The following KCNMA1 variants were observed in gnomAD, a reference collection of about 807,000 sequenced individuals.
KCNMA1 encodes Calcium-activated potassium channel subunit alpha-1.
Under a neutral mutation model 140.0 loss-of-function variants are expected in KCNMA1, and 29 were observed. The observed-to-expected ratio is 0.21, with a 90% CI of 0.15 to 0.28. The LOEUF is 0.28. KCNMA1 is among the 10% of genes least tolerant of loss of function. KCNMA1 has a pLI of 1.00. For missense variants in KCNMA1, 880 were observed against 1,602.2 expected, an observed-to-expected ratio of 0.55 and a Z score of 7.70; for synonymous variants, 612 against 611.9, an observed-to-expected ratio of 1.00 and a Z score of 0.00.
chr10:77,200,719 C>T (rs1043507452), intron 3 of KCNMA1, among the ~76,000 whole-genome samples: 2 of 151,742 alleles, frequency 1.3e-5, no homozygotes, highest in Non-Finnish European at 1.5e-5. Context: ...TAGTTAGAAT[C>T]GACATAAAAT....
chr10:77,279,862 T>G (rs377429585), intron 2 of KCNMA1, among the ~76,000 whole-genome samples: 2 of 152,340 alleles, frequency 1.3e-5, no homozygotes, highest in South Asian at 2.1e-4. Context: ...CATATAAGAC[T>G]TGCCTTTTGC....
intron 2 of KCNMA1, among the ~76,000 whole-genome samples, chr10:77,384,178 C>A (rs1342621149): frequency 6.6e-6 from 1 of 152,206 alleles, no homozygotes; most frequent in Non-Finnish European, 1.5e-5. Flanking sequence ...CCTGGTGGAG[C>A]AAATACCGTG....
intron 5 of KCNMA1, among the ~76,000 whole-genome samples, chr10:77,158,482 T>TCC: frequency 6.6e-6 from 1 of 152,162 alleles, no homozygotes; most frequent in Non-Finnish European, 1.5e-5. Flanking sequence ...CTCCTCTCTC[T>TCC]CCCCTTCCCC....
intron 2 of KCNMA1, among the ~76,000 whole-genome samples, chr10:77,384,750 G>T (rs1157583567): frequency 5.9e-5 from 9 of 152,200 alleles, no homozygotes; most frequent in Admixed American, 5.9e-4. Flanking sequence ...TTTGCTACCT[G>T]CCCAAGCTGA....
At chr10:76,913,863 G>GA (rs1590390718) in intron 24 of KCNMA1, 3 of 565,172 alleles carry the variant, frequency 5.3e-6, no homozygotes, top group Non-Finnish European at 6.3e-6. Context: ...GCTGTGTGGG[G>GA]AAAAAATCAT....
chr10:77,392,973 G>C (rs557863092), intron 2 of KCNMA1, among the ~76,000 whole-genome samples: 374 of 152,250 alleles, frequency 2.5e-3, no homozygotes, highest in Non-Finnish European at 4.5e-3. Context: ...TGACACATGC[G>C]CCCACAACGT....
At chr10:77,283,334 A>G (rs1006054381) in intron 2 of KCNMA1, among the ~76,000 whole-genome samples, 5 of 152,166 alleles carry the variant, frequency 3.3e-5, no homozygotes, top group African/African-American at 9.7e-5. Context: ...CTCTGGCTCG[A>G]GGAGGAGGGA....
intron 2 of KCNMA1, among the ~76,000 whole-genome samples, chr10:77,270,649 G>A (rs1200681725): frequency 6.6e-6 from 1 of 150,948 alleles, no homozygotes; most frequent in Non-Finnish European, 1.5e-5. Context: ...AGCCACTCAA[G>A]TAGCTGGGAC....
chr10:77,008,275 T>C (rs2089707293), intron 18 of KCNMA1: 1 of 1,408,742 alleles, frequency 7.1e-7, no homozygotes, highest in Admixed American at 2.1e-5. Flanking sequence ...GATATGTCAA[T>C]GATTTGAAGT....
chr10:77,017,393 G>A lies in KCNMA1; in HGVS notation c.2015+1620C>T, dbSNP rs115592680. On this transcript the variant is annotated intron_variant, in intron 17 of 27. Coordinates refer to ENST00000286628, the MANE Select transcript of KCNMA1 (RefSeq NM_001161352.2). The stretch of plus-strand genomic sequence containing the variant: ...TGATTGGAGCACAGGGAGAGGGAAG[G>A]TTCAGTCCCATTAATCCTAATTTCC... Among the ~76,000 whole-genome samples, 1,458 of 152,242 alleles carry A rather than the reference G, an allele frequency of 9.6e-3. 19 individuals carry two copies. Among genetic ancestry groups the A allele is most frequent in the African/African-American group, 0.033 (1,374 of 41,548 alleles).
intron 2 of KCNMA1, among the ~76,000 whole-genome samples, chr10:77,388,476 G>A (rs2095694499): frequency 6.6e-6 from 1 of 152,194 alleles, no homozygotes; most frequent in South Asian, 2.1e-4. Flanking sequence ...CAGTTCTTTT[G>A]AAAATTATTA....
At chr10:77,589,615 A>T (rs1026900375) in intron 1 of KCNMA1, among the ~76,000 whole-genome samples, 3 of 152,198 alleles carry the variant, frequency 2.0e-5, no homozygotes, top group African/African-American at 7.2e-5. Context: ...ATGAAGCCGC[A>T]GACCCTCGCG....
intron 12 of KCNMA1, among the ~76,000 whole-genome samples, chr10:77,082,841 T>C (rs1462894971): frequency 1.3e-5 from 2 of 151,964 alleles, no homozygotes; most frequent in Non-Finnish European, 2.9e-5. Flanking sequence ...GAAAACTGAG[T>C]GGCAAGAGAA....
At chr10:76,915,800 A>G (rs538163180) in intron 23 of KCNMA1, among the ~76,000 whole-genome samples, 1 of 151,926 alleles carries the variant, frequency 6.6e-6, no homozygotes, top group African/African-American at 2.4e-5. Context: ...CCTTGCTCTT[A>G]AAAAGAAACA....
intron 3 of KCNMA1, among the ~76,000 whole-genome samples, chr10:77,217,732 T>C (rs919858032): frequency 1.3e-4 from 18 of 143,522 alleles, no homozygotes; most frequent in South Asian, 6.8e-4. Flanking sequence ...CTAAACCCTA[T>C]CATAAATTCA....
Position 77,495,689 on chromosome 10 carries a change from TAC to T in KCNMA1, c.379-91668_379-91667del, listed in dbSNP as rs528555522. 3.9e-4 allele frequency among the ~76,000 whole-genome samples: 60 copies of T among 152,304 alleles called. No individual in the cohort carries two copies. In the South Asian group the frequency reaches 9.1e-3, roughly 23 times the overall value. ...GCTTCCACCTCATGGAGCTGGCGTG[TAC>T]ACAGACAGGCACAGCCTGCCGTGCT... On this transcript the variant is annotated intron_variant, in intron 1 of 27. Transcript: ENST00000286628.
chr10:77,593,758 G>A (rs147310407), intron 1 of KCNMA1, among the ~76,000 whole-genome samples: 1 of 150,608 alleles, frequency 6.6e-6, no homozygotes, highest in Admixed American at 6.6e-5. Context: ...TCTGCTGCTT[G>A]GTGCTGTCTT....
chr10:77,465,128 G>A (rs542437965), intron 1 of KCNMA1, among the ~76,000 whole-genome samples: 1 of 152,194 alleles, frequency 6.6e-6, no homozygotes, highest in South Asian at 2.1e-4. Flanking sequence ...AGTCCCTCTC[G>A]GCCTCCATCC....
intron 1 of KCNMA1, among the ~76,000 whole-genome samples, chr10:77,470,734 G>T (rs1287047203): frequency 6.6e-6 from 1 of 152,146 alleles, no homozygotes; most frequent in African/African-American, 2.4e-5. Flanking sequence ...GGTCTAACTT[G>T]GGAAACTCTC....
Sources: allele counts gnomAD v4.1 joint callset (sites outside exome capture counted in the v4.1 genomes callset), GRCh38; gene constraint gnomAD v4.1.1; transcripts MANE v1.5; gene names NCBI Gene and HGNC (gene_info 2026-07-23, HGNC 2026-07-21).